RPL7A: variants seen among roughly 807,000 people sequenced by gnomAD.
The protein encoded by RPL7A is ribosomal protein L7a.
For synonymous variants in RPL7A, 158 were observed against 128.2 expected, an observed-to-expected ratio of 1.23 and a Z score of -1.57; for missense variants, 291 against 338.2, an observed-to-expected ratio of 0.86 and a Z score of 1.09.
intron 5 of RPL7A, 47 bp downstream of exon 5, chr9:133,350,366 A>G (rs2129993093): frequency 2.5e-6 from 4 of 1,600,576 alleles, no homozygotes; most frequent in Admixed American, 1.7e-5. Flanking sequence ...TGGCAGTACC[A>G]GGAAGAGAGA....
Position 133,351,268 on chromosome 9 carries a change from C to T in RPL7A, c.703C>T (p.Arg235Cys). 1.2e-6 allele frequency: 2 copies of T among 1,613,752 alleles called. No homozygotes were observed. The highest frequency in any genetic ancestry group is 8.5e-7 in the Non-Finnish European group (1 of 1,179,708). The part of the protein sequence containing the change: ...NYNDRYDEIR[R>C]HWGGNVLGPK... ...CCTCTTTTTGTCTTTTCAGATCCGC[C>T]GTCACTGGGGTGGCAATGTCCTGGG... The change falls in exon 8 of 8, where the codon CGT (arginine) becomes TGT (cysteine). Residue 235 changes from arginine (R) to cysteine (C), a missense_variant. By Grantham distance (180) the Arg-to-Cys change is radical. Coordinates refer to ENST00000323345, the MANE Select transcript of RPL7A (RefSeq NM_000972.3).
chr9:133,349,736 C>T (rs1836329610), intron 3 of RPL7A, 36 bp downstream of exon 3: 3 of 1,609,346 alleles, frequency 1.9e-6, no homozygotes, highest in Non-Finnish European at 2.5e-6. Flanking sequence ...GTTTCTCAGG[C>T]AAGGATTCCT....
chr9:133,350,625 G>A lies in RPL7A; in HGVS notation c.524G>A (p.Arg175His). 2 of 1,613,932 alleles carry A rather than the reference G, an allele frequency of 1.2e-6. No individual in the cohort carries two copies. Among genetic ancestry groups the A allele is most frequent in the East Asian group, 2.2e-5 (1 of 44,862 alleles). ...GTTGTCTTCTTGCCTGCCCTGTGTCGTAAAATGGGGGTCCCTTACTGCATT... is the reference window on the plus strand; with the variant it reads ...GTTGTCTTCTTGCCTGCCCTGTGTCATAAAATGGGGGTCCCTTACTGCATT... ...ELVVFLPALC[R>H]KMGVPYCIIK... The change falls in exon 6 of 8, where the codon CGT becomes CAT. Residue 175 changes from arginine to histidine, a missense_variant. Transcript: ENST00000323345.
chr9:133,348,939 C>T lies in RPL7A; in HGVS notation c.21C>T (p.Ala7=), dbSNP rs2129982341. 5 of 1,613,876 alleles carry T rather than the reference C, an allele frequency of 3.1e-6. No individual in the cohort carries two copies. Among genetic ancestry groups the T allele is most frequent in the East Asian group, 4.5e-5 (2 of 44,878 alleles). MPKGKK[A]KGKKVAPAPA... is the part of the protein sequence containing the mutation. ...CTGCCCAGCCGAAAGGAAAGAAGGC[C>T]AAGGGAAAGAAGGTGGCTCCGGCCC... Residue 7 remains alanine, a synonymous_variant, in exon 2 of 8, where the codon GCC becomes GCT. Transcript: ENST00000323345.
chr9:133,349,920 C>G lies in RPL7A; in HGVS notation c.283C>G (p.Leu95Val), dbSNP rs2129989726. 1.2e-6 allele frequency: 2 copies of G among 1,611,408 alleles called. No individual in the cohort carries two copies. Among genetic ancestry groups the G allele is most frequent in the Non-Finnish European group, 1.7e-6 (2 of 1,179,902 alleles). ...GAAGAGTGTTTTTCCAGCTACTCAG[C>G]TGCTTAAGCTGGCCCACAAGTACAG... is the stretch of plus-strand genomic sequence containing the variant. ...QALDRQTATQ[L>V]LKLAHKYRPE... The change falls in exon 4 of 8, where the codon CTG (leucine) becomes GTG (valine). Residue 95 changes from leucine to valine, a missense_variant. Leu to Val is a conservative substitution (Grantham distance 32). Coordinates refer to ENST00000323345, the MANE Select transcript of RPL7A (RefSeq NM_000972.3).
intron 1 of RPL7A, 51 bp downstream of exon 1, chr9:133,348,297 G>A (rs2129977844): frequency 6.8e-6 from 11 of 1,613,602 alleles, no homozygotes; most frequent in Admixed American, 5.0e-5. Flanking sequence ...GGCTGTATCC[G>A]CTGCCATCCT....
At chr9:133,348,322 C>A in intron 1 of RPL7A, 76 bp downstream of exon 1, 2 of 1,592,500 alleles carry the variant, frequency 1.3e-6, no homozygotes, top group South Asian at 1.1e-5. Context: ...CAGGCGCGGC[C>A]TCGGAGGGCC....
chr9:133,350,027 G>A lies in RPL7A; in HGVS notation c.390G>A (p.Thr130=), dbSNP rs2129990763. ...KKAAGKGDVP[T]KRPPVLRAGV... ...CTGCTGGCAAAGGGGACGTCCCAAC[G>A]AAGAGACCACCTGTCCTTCGAGCAG... Residue 130 remains threonine, a synonymous_variant, in exon 4 of 8, where the codon ACG becomes ACA. Coordinates refer to ENST00000323345, the MANE Select transcript of RPL7A (RefSeq NM_000972.3). 114,830 of 1,613,586 alleles carry A rather than the reference G, an allele frequency of 0.071. 4,674 individuals carry two copies. The highest frequency in any genetic ancestry group is 0.083 in the Non-Finnish European group (97,920 of 1,180,014).
rs929051193 is a variant in RPL7A at position 133,348,486 on chromosome 9, GCTGGGTGTCGCAGGC to G, written c.3+245_3+259del. 6.0e-5 allele frequency: 37 copies of G among 620,854 alleles called. 1 individual carries two copies. Among genetic ancestry groups the G allele is most frequent in the Middle Eastern group, 4.3e-4 (1 of 2,320 alleles). The allele number at this position is 620,854 out of a possible 1,614,324, so 38.5% of individuals were successfully genotyped here. A position where few individuals can be genotyped will look rare whatever the true frequency, so the allele number is the denominator to read the frequency against. ...AATGCGTTGTTCCCGGTGTCGCAGGGCTGGGTGTCGCAGGCCTGGAGCACCGCAGTGCGGGGCTCG... is the reference window on the plus strand; with the variant it reads ...AATGCGTTGTTCCCGGTGTCGCAGGGCTGGAGCACCGCAGTGCGGGGCTCG... On this transcript the variant is annotated intron_variant, in intron 1 of 7. Coordinates refer to ENST00000323345, the MANE Select transcript of RPL7A (RefSeq NM_000972.3).
At position 133,350,025 on chromosome 9, in the gene RPL7A, A is replaced by G. The variant is rs2129990719; in HGVS notation, c.388A>G (p.Thr130Ala). ...GGCTGCTGGCAAAGGGGACGTCCCAACGAAGAGACCACCTGTCCTTCGAGC... is the reference window on the plus strand; with the variant it reads ...GGCTGCTGGCAAAGGGGACGTCCCAGCGAAGAGACCACCTGTCCTTCGAGC... ...KKAAGKGDVP[T>A]KRPPVLRAGV... Residue 130 changes from threonine (T) to alanine (A), a missense_variant, in exon 4 of 8, where the codon ACG (threonine) becomes GCG (alanine). Transcript: ENST00000323345. 3 of 1,613,604 alleles carry G rather than the reference A, an allele frequency of 1.9e-6. No individual in the cohort carries two copies. In the South Asian group the frequency reaches 3.3e-5, roughly 18 times the overall value.
In RPL7A at chr9:133,350,441, A is replaced by G. The variant is rs191462456; in HGVS notation, c.495+122A>G. The G allele has an allele frequency of 5.6e-3, 8,398 of 1,490,222 alleles. 29 individuals are homozygous for G. Among genetic ancestry groups the G allele is most frequent in the Non-Finnish European group, 6.7e-3 (7,130 of 1,067,266 alleles). 92.3% of individuals were successfully genotyped at this position (1,490,222 alleles called of 1,614,324 possible). On this transcript the variant is annotated intron_variant, in intron 5 of 7. Coordinates refer to ENST00000323345, the MANE Select transcript of RPL7A (RefSeq NM_000972.3). ...TGAGGGCAGTACTGACACAGATCCA[A>G]CACATGCGTGGCTCTTGCAATGATG...
In RPL7A at chr9:133,349,802, A is replaced by G. The variant is rs2129988765; in HGVS notation, c.274+102A>G. The G allele has an allele frequency of 2.2e-4, 342 of 1,580,344 alleles. No individual in the cohort carries two copies. The African/African-American group carries it at 4.1e-3, about 19-fold the overall frequency. Reference sequence around the variant, plus strand: ...TTAGGCTTCTTGAACTGCAGTTGTCATTAAATTATAGTCATATAGCAGGAC... The same window carrying G: ...TTAGGCTTCTTGAACTGCAGTTGTCGTTAAATTATAGTCATATAGCAGGAC... On this transcript the variant is annotated intron_variant, in intron 3 of 7. Transcript: ENST00000323345.
intron 1 of RPL7A, 40 bp from the exon 2 acceptor site, chr9:133,348,882 G>A: frequency 1.9e-6 from 3 of 1,613,178 alleles, no homozygotes; most frequent in Non-Finnish European, 2.5e-6. Context: ...GACGAAGCGA[G>A]TGGAGGCGGC....
rs2129996445 is a variant in RPL7A, at chr9:133,350,840, GA to G, written c.626+115del. 1.9e-6 allele frequency: 3 copies of G among 1,563,864 alleles called. No homozygotes were observed. The Admixed American group carries it at 5.0e-5, about 26-fold the overall frequency. On this transcript the variant is annotated intron_variant, in intron 6 of 7. Coordinates refer to ENST00000323345, the MANE Select transcript of RPL7A (RefSeq NM_000972.3). Reference sequence around the variant, plus strand: ...TTTAGTTTAAGAAATATATTTATCTGAACTTTTGCCAATGATGGTTAAGAAT... The same window carrying G: ...TTTAGTTTAAGAAATATATTTATCTGACTTTTGCCAATGATGGTTAAGAAT...
chr9:133,348,843 T>A (rs2129981423), intron 1 of RPL7A, 79 bp from the exon 2 acceptor site: 3 of 1,610,764 alleles, frequency 1.9e-6, no homozygotes, highest in Middle Eastern at 1.7e-4. Flanking sequence ...GTCCCTTGTT[T>A]TGGAGGAGCC....
Position 133,349,907 on chromosome 9 carries a change from T to A in RPL7A, c.275-5T>A, listed in dbSNP as rs1431592868. On this transcript the variant is annotated splice_polypyrimidine_tract_variant and splice_region_variant and intron_variant, in intron 3 of 7. Transcript: ENST00000323345. Reference sequence around the variant, plus strand: ...CCAAGCCTAAACTGAAGAGTGTTTTTCCAGCTACTCAGCTGCTTAAGCTGG... The same window carrying A: ...CCAAGCCTAAACTGAAGAGTGTTTTACCAGCTACTCAGCTGCTTAAGCTGG... 1 of 1,611,152 alleles carries A rather than the reference T, an allele frequency of 6.2e-7. No homozygotes were observed. Among genetic ancestry groups the A allele is most frequent in the Non-Finnish European group, 8.5e-7 (1 of 1,179,840 alleles).
In RPL7A at chr9:133,350,324, G is replaced by A. The variant is rs1260281829; in HGVS notation, c.495+5G>A. The stretch of plus-strand genomic sequence containing the variant: ...CACGACGTGGATCCCATCGAGGTGC[G>A]TTTGCCTGTTGACTGCTAACCCAAG... On this transcript the variant is annotated splice_donor_5th_base_variant and intron_variant, in intron 5 of 7. Coordinates refer to ENST00000323345, the MANE Select transcript of RPL7A (RefSeq NM_000972.3). The A allele has an allele frequency of 1.2e-6, 2 of 1,613,816 alleles. No homozygotes were observed. Among genetic ancestry groups the A allele is most frequent in the African/African-American group, 1.3e-5 (1 of 74,868 alleles).
In RPL7A at chr9:133,351,370, T is replaced by G. The variant is rs2129999753; in HGVS notation, c.*4T>G. ...ACTTGCCACTAAACTGGGTTAAATG[T>G]ACACTGTTGAGTTTTCTGTACATAA... On this transcript the variant is annotated 3_prime_UTR_variant, in exon 8 of 8. Coordinates refer to ENST00000323345, the MANE Select transcript of RPL7A (RefSeq NM_000972.3). The G allele has an allele frequency of 9.5e-6, 15 of 1,578,468 alleles. No individual in the cohort carries two copies. Among genetic ancestry groups the G allele is most frequent in the Non-Finnish European group, 1.3e-5 (15 of 1,150,468 alleles).
chr9:133,349,271 G>T, intron 2 of RPL7A: 1 of 741,574 alleles, frequency 1.3e-6, no homozygotes, highest in Admixed American at 2.0e-5. Flanking sequence ...TTAGCCATCT[G>T]GAAACAAGTA....
Sources: allele counts gnomAD v4.1 joint callset, GRCh38; gene constraint gnomAD v4.1.1; transcripts MANE v1.5; gene names NCBI Gene and HGNC (gene_info 2026-07-23, HGNC 2026-07-21).